The following NARS2 variants were observed in gnomAD, a reference collection of about 807,000 sequenced individuals.
NARS2 encodes the protein asparaginyl-tRNA synthetase 2, mitochondrial.
Under a neutral mutation model 62.9 loss-of-function variants are expected in NARS2, and 60 were observed. That is an observed-to-expected ratio of 0.95 (90% CI 0.77 to 1.18). The LOEUF (loss-of-function observed/expected upper bound fraction) is 1.18, where lower values mean the gene tolerates loss of function less well. Ranked by LOEUF, NARS2 falls within the 50% of genes most tolerant of loss-of-function variation. NARS2 has a pLI of 0.00. For synonymous variants in NARS2, 196 were observed against 200.0 expected (o/e 0.98, Z 0.17); for missense variants, 619 against 576.4 (o/e 1.07, Z -0.76).
chr11:78,518,319 T>C (rs571103549), intron 6 of NARS2, among the ~76,000 whole-genome samples: 1 of 152,192 alleles, frequency 6.6e-6, no homozygotes, highest in South Asian at 2.1e-4. Flanking sequence ...CCCTCAGATA[T>C]ATGGAGACGA....
intron 5 of NARS2, among the ~76,000 whole-genome samples, chr11:78,544,186 T>A (rs763217207): frequency 6.6e-6 from 1 of 152,146 alleles, no homozygotes; most frequent in African/African-American, 2.4e-5. Context: ...TTAATCTCCA[T>A]ATAGCAGCCA....
At chr11:78,559,301 CAAAA>C (rs10627726) in intron 5 of NARS2, among the ~76,000 whole-genome samples, 3 of 58,448 alleles carry the variant, frequency 5.1e-5, no homozygotes, top group African/African-American at 8.1e-5. Flanking sequence ...GACTCCATCT[CAAAA>C]AAAAAAAAAA....
At chr11:78,453,307 C>T (rs763387128) in intron 11 of NARS2, among the ~76,000 whole-genome samples, 7 of 152,148 alleles carry the variant, frequency 4.6e-5, no homozygotes, top group Non-Finnish European at 1.0e-4. Flanking sequence ...TTTGATTCTG[C>T]TTAAGTCACA....
chr11:78,497,106 A>C (rs1486941301), intron 6 of NARS2, among the ~76,000 whole-genome samples: 1 of 152,120 alleles, frequency 6.6e-6, no homozygotes, highest in East Asian at 1.9e-4. Flanking sequence ...CTTGTGCCAA[A>C]CTATGAAGAG....
intron 4 of NARS2, among the ~76,000 whole-genome samples, chr11:78,560,406 C>CT (rs1387332328): frequency 6.6e-6 from 1 of 152,194 alleles, no homozygotes; most frequent in African/African-American, 2.4e-5. Context: ...CAAGGTTATG[C>CT]TTCTTTCATT....
intron 6 of NARS2, among the ~76,000 whole-genome samples, chr11:78,513,888 CTG>C (rs1346745921): frequency 6.6e-6 from 1 of 152,010 alleles, no homozygotes; most frequent in East Asian, 1.9e-4. Flanking sequence ...TGGTTTGATG[CTG>C]TGTTTTTGAC....
intron 5 of NARS2, among the ~76,000 whole-genome samples, chr11:78,555,710 A>G (rs149963979): frequency 6.6e-6 from 1 of 151,634 alleles, no homozygotes; most frequent in Non-Finnish European, 1.5e-5. Context: ...GTTATTTCTC[A>G]TCTTTTGCTA....
intron 6 of NARS2, among the ~76,000 whole-genome samples, chr11:78,509,999 TAAGA>T (rs1412740138): frequency 1.3e-5 from 2 of 151,250 alleles, no homozygotes; most frequent in Non-Finnish European, 3.0e-5. Flanking sequence ...CAAAAGAAAA[TAAGA>T]AAGAAATTTA....
Position 78,556,560 on chromosome 11 carries a change from G to A in NARS2, c.594+2979C>T, listed in dbSNP as rs927416136. 8.5e-5 allele frequency among the ~76,000 whole-genome samples: 13 copies of A among 152,286 alleles called. No individual in the cohort carries two copies. In the South Asian group the frequency reaches 1.4e-3, roughly 17 times the overall value. On this transcript the variant is annotated intron_variant, in intron 5 of 13. Transcript: ENST00000281038. ...TAACCTTTACAAGAAAAATAACTTTGTAAAGATCAATTGCTTTTTGATTTT... is the reference window on the plus strand; with the variant it reads ...TAACCTTTACAAGAAAAATAACTTTATAAAGATCAATTGCTTTTTGATTTT...
At chr11:78,474,373 C>T (rs1221061688) in intron 9 of NARS2, among the ~76,000 whole-genome samples, 1 of 151,972 alleles carries the variant, frequency 6.6e-6, no homozygotes, top group Non-Finnish European at 1.5e-5. Context: ...AAAAATAAAT[C>T]AATGTTTGTT....
chr11:78,504,827 C>T (rs1450231158), intron 6 of NARS2, among the ~76,000 whole-genome samples: 1 of 152,038 alleles, frequency 6.6e-6, no homozygotes, highest in Non-Finnish European at 1.5e-5. Flanking sequence ...AGGGTGATCA[C>T]AGGTCTTGGT....
chr11:78,473,057 T>C (rs1454370859), intron 9 of NARS2, among the ~76,000 whole-genome samples: 1 of 152,186 alleles, frequency 6.6e-6, no homozygotes, highest in East Asian at 1.9e-4. Flanking sequence ...TCTCAGTTAC[T>C]CGGGAGGCTG....
intron 11 of NARS2, among the ~76,000 whole-genome samples, chr11:78,451,536 G>T (rs1019008281): frequency 7.9e-5 from 12 of 152,138 alleles, no homozygotes; most frequent in Admixed American, 1.3e-4. Context: ...GGCATTTGCG[G>T]GTGATGACAA....
At chr11:78,439,318 C>T (rs551806135) in intron 13 of NARS2, among the ~76,000 whole-genome samples, 6 of 152,196 alleles carry the variant, frequency 3.9e-5, no homozygotes, top group East Asian at 1.9e-4. Context: ...GGATTACAGC[C>T]GTGAGCCACC....
chr11:78,535,823 G>A (rs185307180), intron 5 of NARS2, among the ~76,000 whole-genome samples: 85 of 152,020 alleles, frequency 5.6e-4, no homozygotes, highest in Middle Eastern at 6.8e-3. Flanking sequence ...CTCCATGTTG[G>A]TCAGGCTGGT....
intron 11 of NARS2, among the ~76,000 whole-genome samples, chr11:78,446,214 T>A (rs1857754895): frequency 6.6e-6 from 1 of 152,220 alleles, no homozygotes; most frequent in African/African-American, 2.4e-5. Flanking sequence ...AACTTTTGAT[T>A]GAGATATACT....
chr11:78,567,057 C>G (rs1315465874), intron 3 of NARS2, among the ~76,000 whole-genome samples: 1 of 152,126 alleles, frequency 6.6e-6, no homozygotes, highest in Non-Finnish European at 1.5e-5. Flanking sequence ...TATCATAATT[C>G]TAGGGGTCAG....
chr11:78,471,104 A>C (rs1216985571), intron 9 of NARS2, among the ~76,000 whole-genome samples: 1 of 152,148 alleles, frequency 6.6e-6, no homozygotes, highest in African/African-American at 2.4e-5. Flanking sequence ...ATTCAAATTA[A>C]AATCTAGTAA....
chr11:78,517,118 G>C (rs897064539), intron 6 of NARS2, among the ~76,000 whole-genome samples: 1 of 152,218 alleles, frequency 6.6e-6, no homozygotes, highest in Non-Finnish European at 1.5e-5. Context: ...TGTGAAATGG[G>C]ATGATGTGCT....
Sources: gnomAD v4.1 joint callset for allele counts (sites outside exome capture counted in the v4.1 genomes callset) on GRCh38, gnomAD v4.1.1 for gene constraint, MANE v1.5 for transcripts, NCBI Gene and HGNC (gene_info 2026-07-23, HGNC 2026-07-21) for gene names.